Variants in ZNF721 observed in about 807,000 individuals in gnomAD.
The protein encoded by ZNF721 is zinc finger protein 721.
Under a neutral mutation model 2.4 loss-of-function variants are expected in ZNF721, and 2 were observed. The observed-to-expected ratio is 0.82, with a 90% CI of 0.34 to 2.58. The LOEUF is 2.58. Among genes scored for constraint, ZNF721 ranks in the 30% most tolerant of loss-of-function variants. ZNF721 has a pLI of 0.11. For synonymous variants in ZNF721, 398 were observed against 381.8 expected (o/e 1.04, Z -0.50); for missense variants, 1,187 against 1,085.5 (o/e 1.09, Z -1.31).
intron 2 of ZNF721, among the ~76,000 whole-genome samples, chr4:460,881 C>G (rs566539269): frequency 2.6e-5 from 4 of 152,114 alleles, no homozygotes; most frequent in Non-Finnish European, 4.4e-5. Context: ...CATACACCCT[C>G]CCAAGACTTA....
intron 1 of ZNF721, among the ~76,000 whole-genome samples, chr4:485,744 G>A (rs369898068): frequency 6.6e-6 from 1 of 152,162 alleles, no homozygotes; most frequent in East Asian, 1.9e-4. Flanking sequence ...GGGAGGCCGA[G>A]GCGGGCGGAT....
intron 1 of ZNF721, among the ~76,000 whole-genome samples, chr4:494,999 C>T (rs1553872013): frequency 6.6e-6 from 1 of 151,442 alleles, no homozygotes; most frequent in Non-Finnish European, 1.5e-5. Flanking sequence ...TCTCCTGCCT[C>T]AGCCTCCGGA....
chr4:481,675 G>T (rs1434518867), intron 1 of ZNF721, among the ~76,000 whole-genome samples: 1 of 151,820 alleles, frequency 6.6e-6, no homozygotes, highest in East Asian at 1.9e-4. Context: ...GAAATTGCAA[G>T]TGATCTATTT....
At chr4:451,523 C>G (rs561509774) in intron 2 of ZNF721, among the ~76,000 whole-genome samples, 1 of 152,248 alleles carries the variant, frequency 6.6e-6, no homozygotes, top group South Asian at 2.1e-4. Context: ...ACTCTGGAGC[C>G]CAGGCTGTTG....
intron 2 of ZNF721, among the ~76,000 whole-genome samples, chr4:445,582 G>A (rs1714447528): frequency 6.6e-6 from 1 of 152,046 alleles, no homozygotes; most frequent in Admixed American, 6.5e-5. Context: ...TTTTTTAAAT[G>A]TAATCTGAAT....
In ZNF721 at chr4:444,251, G is replaced by A. The variant is rs782361372; in HGVS notation, c.216C>T (p.Cys72=). Reference sequence around the variant, plus strand: ...ATATTTTGCTCTGAGTATTTGACAAGCATTTATTAATTCCATTATAAACTC... The same window carrying A: ...ATATTTTGCTCTGAGTATTTGACAAACATTTATTAATTCCATTATAAACTC... ...QKGVYNGINK[C]LSNTQSKIFQ... Residue 72 remains cysteine (C), a synonymous_variant, in exon 3 of 3, where the codon TGC becomes TGT. Coordinates refer to ENST00000511833, the MANE Select transcript of ZNF721 (RefSeq NM_133474.4). 7 of 1,613,736 alleles carry A rather than the reference G, an allele frequency of 4.3e-6. No individual in the cohort carries two copies. The South Asian group carries it at 6.6e-5, about 15-fold the overall frequency.
At chr4:456,050 T>TTTATTTATTTA (rs1560231358) in intron 2 of ZNF721, among the ~76,000 whole-genome samples, 31 of 144,406 alleles carry the variant, frequency 2.1e-4, no homozygotes, top group African/African-American at 8.0e-4. Flanking sequence ...CCAAAAAAAT[T>TTTATTTATTTA]TTTATTTATT....
intron 2 of ZNF721, among the ~76,000 whole-genome samples, chr4:463,983 GATAA>G (rs2108705122): frequency 6.6e-6 from 1 of 152,004 alleles, no homozygotes; most frequent in South Asian, 2.1e-4. Context: ...AAAAAATCTC[GATAA>G]GATGCAAAAG....
chr4:443,874 C>T lies in ZNF721; in HGVS notation c.593G>A (p.Arg198His), dbSNP rs1553863772. Reference protein sequence around the residue: ...NREKAYTGEDRDRAFGWSTNL... With the variant: ...NREKAYTGEDHDRAFGWSTNL... ...TGTGGACCATCCAAAGGCTCTGTCA[C>T]GATCTTCACCTGTGTAAGCTTTCTC... The change falls in exon 3 of 3, where the codon CGT (arginine) becomes CAT (histidine). Residue 198 changes from arginine (R) to histidine (H), a missense_variant. Physicochemically the swap from Arg to His is conservative, Grantham distance 29. Coordinates refer to ENST00000511833, the MANE Select transcript of ZNF721 (RefSeq NM_133474.4). 10 of 1,613,976 alleles carry T rather than the reference C, an allele frequency of 6.2e-6. No individual in the cohort carries two copies. The highest frequency in any genetic ancestry group is 3.3e-5 in the South Asian group (3 of 91,084).
In ZNF721 at chr4:489,736, G is replaced by A. The variant is rs570666108; in HGVS notation, c.-94+9320C>T. Among the ~76,000 whole-genome samples, 3 of 152,350 alleles carry A rather than the reference G, an allele frequency of 2.0e-5. No homozygotes were observed. In the East Asian group the frequency reaches 5.8e-4, roughly 29 times the overall value. ...TAGCTACTGGGGAGGAATGTAGCTG[G>A]TTTGAAGTAAAATGTGCTGCAAATG... On this transcript the variant is annotated intron_variant, in intron 1 of 2. Transcript: ENST00000511833.
chr4:463,787 TAGG>T (rs1314225702), intron 2 of ZNF721, among the ~76,000 whole-genome samples: 2 of 152,074 alleles, frequency 1.3e-5, no homozygotes, highest in African/African-American at 2.4e-5. Context: ...GGGATAGCAT[TAGG>T]AGAAATACCT....
At chr4:487,739 G>C (rs1203560412) in intron 1 of ZNF721, among the ~76,000 whole-genome samples, 1 of 152,296 alleles carries the variant, frequency 6.6e-6, no homozygotes, top group Middle Eastern at 3.4e-3. Flanking sequence ...ATAGGGTCTG[G>C]AGACAGGGAA....
Position 444,046 on chromosome 4 carries a change from C to A in ZNF721, c.421G>T (p.Glu141Ter). 6.2e-7 allele frequency: 1 copy of A among 1,613,870 alleles called. No individual in the cohort carries two copies. The highest frequency in any genetic ancestry group is 8.5e-7 in the Non-Finnish European group (1 of 1,179,792). ...TACCATCCAAAGTCTTTGCCACGTT[C>A]TTCACAAGTGTAGGGTTTCTCTCCA... is the stretch of plus-strand genomic sequence containing the variant. ...HAGEKPYTCE[E>*]RGKDFGWYTD... Residue 141 changes from glutamate (E) to a stop codon, truncating the protein, a stop_gained, in exon 3 of 3, where the codon GAA becomes TAA. Coordinates refer to ENST00000511833, the MANE Select transcript of ZNF721 (RefSeq NM_133474.4). LOFTEE classifies it low-confidence loss of function (END_TRUNC).
intron 2 of ZNF721, among the ~76,000 whole-genome samples, chr4:447,982 C>A (rs1714530563): frequency 1.3e-5 from 2 of 151,918 alleles, no homozygotes; most frequent in South Asian, 4.2e-4. Context: ...TTTAAATACC[C>A]CAATTTCTAT....
At chr4:465,137 C>T (rs1481579008) in intron 2 of ZNF721, among the ~76,000 whole-genome samples, 3 of 150,020 alleles carry the variant, frequency 2.0e-5, no homozygotes, top group Non-Finnish European at 4.4e-5. Flanking sequence ...AAACCTAGCA[C>T]TTTGGGAGGC....
chr4:491,725 C>A (rs1716026629), intron 1 of ZNF721, among the ~76,000 whole-genome samples: 1 of 152,202 alleles, frequency 6.6e-6, no homozygotes, highest in African/African-American at 2.4e-5. Flanking sequence ...TACGTCATGA[C>A]AAAGGAACAT....
rs782546948 is a variant in ZNF721 at position 442,359 on chromosome 4, C to A, written c.2108G>T (p.Gly703Val). The A allele has an allele frequency of 2.5e-6, 4 of 1,614,010 alleles. No homozygotes were observed. The highest frequency in any genetic ancestry group is 2.2e-5 in the South Asian group (2 of 91,084). The change falls in exon 3 of 3, where the codon GGC becomes GTC. Residue 703 changes from glycine (G) to valine (V), a missense_variant. Transcript: ENST00000511833. ...GTTTCTTGACCTACTAAAGGCTTTGCCACACTCTTCACATTTGTAAGGTTT... is the reference window on the plus strand; with the variant it reads ...GTTTCTTGACCTACTAAAGGCTTTGACACACTCTTCACATTTGTAAGGTTT... ...GEKPYKCEEC[G>V]KAFSRSRNLT...
chr4:440,797 C>G lies in ZNF721; in HGVS notation c.*898G>C, dbSNP rs782508864. Reference sequence around the variant, plus strand: ...TCTCCTGTCTCAGCCTCCTGAGTAGCTGGGATTACAGCCATGCACCACCAT... The same window carrying G: ...TCTCCTGTCTCAGCCTCCTGAGTAGGTGGGATTACAGCCATGCACCACCAT... On this transcript the variant is annotated 3_prime_UTR_variant, in exon 3 of 3. Transcript: ENST00000511833. The G allele has an allele frequency of 5.9e-5, 9 of 152,306 alleles. No homozygotes were observed. The highest frequency in any genetic ancestry group is 8.8e-5 in the Non-Finnish European group (6 of 68,128). The allele number at this position is 152,306 out of a possible 1,614,324, so 9.4% of individuals were successfully genotyped here. A position where few individuals can be genotyped will look rare whatever the true frequency, so the allele number is the denominator to read the frequency against.
Position 443,629 on chromosome 4 carries a change from A to C in ZNF721, c.838T>G (p.Leu280Val), listed in dbSNP as rs781793550. The change falls in exon 3 of 3, where the codon TTA (leucine) becomes GTA (valine). Residue 280 changes from leucine (L) to valine (V), a missense_variant. Transcript: ENST00000511833. ...IHTGEKPFKC[L>V]ECGKAFNIST... ...ATATTAAAGGCTTTACCACATTCTA[A>C]ACATTTAAAGGGTTTCTCGCCAGTA... is the stretch of plus-strand genomic sequence containing the variant. 1 of 1,613,514 alleles carries C rather than the reference A, an allele frequency of 6.2e-7. No homozygotes were observed. Among genetic ancestry groups the C allele is most frequent in the Non-Finnish European group, 8.5e-7 (1 of 1,179,836 alleles).
Sources: gnomAD v4.1 joint callset for allele counts (sites outside exome capture counted in the v4.1 genomes callset) on GRCh38, gnomAD v4.1.1 for gene constraint, MANE v1.5 for transcripts, NCBI Gene and HGNC (gene_info 2026-07-23, HGNC 2026-07-21) for gene names.